Variants in NBAS observed in about 807,000 individuals in gnomAD.
NBAS encodes the protein NAG/BC035112 fusion.
NBAS carries 219 observed loss-of-function variants against 302.5 expected under a neutral mutation model. The observed-to-expected ratio is 0.72, with a 90% CI of 0.65 to 0.81. The LOEUF (loss-of-function observed/expected upper bound fraction) is 0.81. Ranked by LOEUF, NBAS falls within the 30% of genes least tolerant of loss-of-function variation. The pLI, the probability that NBAS is intolerant of heterozygous loss-of-function variation, is 0.00. For synonymous variants in NBAS, 1,118 were observed against 1,021.6 expected, an observed-to-expected ratio of 1.09 and a Z score of -1.80; for missense variants, 2,932 against 2,841.6, an observed-to-expected ratio of 1.03 and a Z score of -0.72.
the NBAS span, among the ~76,000 whole-genome samples, chr2:14,923,159 CA>C: frequency 1.3e-5 from 2 of 151,580 alleles, no homozygotes; most frequent in African/African-American, 2.4e-5. Context: ...CTCAAAAAAA[CA>C]AAAAAAAGTA....
chr2:15,232,732 T>C (rs1186177510), intron 46 of NBAS, among the ~76,000 whole-genome samples: 2 of 152,210 alleles, frequency 1.3e-5, no homozygotes, highest in African/African-American at 4.8e-5. Context: ...TATACACATG[T>C]TTTCCTATCA....
At chr2:15,347,779 A>C (rs1673163902) in intron 35 of NBAS, among the ~76,000 whole-genome samples, 1 of 152,226 alleles carries the variant, frequency 6.6e-6, no homozygotes, top group Non-Finnish European at 1.5e-5. Flanking sequence ...AAGCATAATG[A>C]CCAACATTAA....
At chr2:14,851,989 A>C in the NBAS span, among the ~76,000 whole-genome samples, 916 of 24,618 alleles carry the variant, frequency 0.037, no homozygotes, top group Non-Finnish European at 0.045. Context: ...GAATGGGCAA[A>C]AACTGGAAGC....
At chr2:14,879,810 A>G in the NBAS span, among the ~76,000 whole-genome samples, 1 of 152,212 alleles carries the variant, frequency 6.6e-6, no homozygotes, top group South Asian at 2.1e-4. Context: ...GAATGGGGAG[A>G]CAGACTTCAT....
chr2:15,532,301 A>G (rs1352794254), intron 9 of NBAS, among the ~76,000 whole-genome samples: 1 of 151,962 alleles, frequency 6.6e-6, no homozygotes, highest in African/African-American at 2.4e-5. Flanking sequence ...CATCCTGGCT[A>G]ACATGGTGAA....
chr2:15,152,481 A>G, the NBAS span, among the ~76,000 whole-genome samples: 1 of 152,242 alleles, frequency 6.6e-6, no homozygotes, highest in Admixed American at 6.5e-5. Context: ...TCTTGTAACA[A>G]GTAGCTGAGT....
the NBAS span, among the ~76,000 whole-genome samples, chr2:14,931,720 A>T: frequency 6.6e-6 from 1 of 152,178 alleles, no homozygotes; most frequent in Non-Finnish European, 1.5e-5. Flanking sequence ...TTGGCCACAC[A>T]TTCTGTTGTG....
At chr2:14,926,699 C>T in the NBAS span, among the ~76,000 whole-genome samples, 1 of 152,116 alleles carries the variant, frequency 6.6e-6, no homozygotes, top group African/African-American at 2.4e-5. Context: ...CAACCATCAC[C>T]ACTGTCCATC....
chr2:15,207,524 C>T (rs995311982), intron 48 of NBAS, among the ~76,000 whole-genome samples: 2 of 152,096 alleles, frequency 1.3e-5, no homozygotes, highest in African/African-American at 4.8e-5. Context: ...TTGGGAGAGG[C>T]TGGGATGGAA....
At chr2:15,108,332 A>G in the NBAS span, among the ~76,000 whole-genome samples, 1 of 152,094 alleles carries the variant, frequency 6.6e-6, no homozygotes, top group Non-Finnish European at 1.5e-5. Flanking sequence ...TTTTGAGTAC[A>G]TTGCAGCTCA....
chr2:15,012,735 T>G, the NBAS span, among the ~76,000 whole-genome samples: 1 of 152,048 alleles, frequency 6.6e-6, no homozygotes, highest in Non-Finnish European at 1.5e-5. Flanking sequence ...CAGAAGATAA[T>G]GGAATGATAT....
chr2:14,816,940 C>G, the NBAS span, among the ~76,000 whole-genome samples: 1 of 152,164 alleles, frequency 6.6e-6, no homozygotes, highest in African/African-American at 2.4e-5. Context: ...TCTTCCCACG[C>G]CTGAATGAAG....
chr2:15,095,314 G>C, the NBAS span, among the ~76,000 whole-genome samples: 1 of 152,164 alleles, frequency 6.6e-6, no homozygotes, highest in Non-Finnish European at 1.5e-5. Context: ...ACAGTTCCAC[G>C]TGCCTGGGGA....
intron 6 of NBAS, among the ~76,000 whole-genome samples, chr2:15,547,873 G>A (rs1664188364): frequency 6.6e-6 from 1 of 152,194 alleles, no homozygotes; most frequent in Non-Finnish European, 1.5e-5. Flanking sequence ...AAAAGGGCTA[G>A]AGCCCCAAGC....
At chr2:14,893,763 T>C in the NBAS span, among the ~76,000 whole-genome samples, 1 of 152,204 alleles carries the variant, frequency 6.6e-6, no homozygotes, top group Non-Finnish European at 1.5e-5. Context: ...GTTTTTGCAG[T>C]GTTAATTGCT....
the NBAS span, among the ~76,000 whole-genome samples, chr2:14,948,520 T>C: frequency 6.6e-6 from 1 of 151,832 alleles, no homozygotes; most frequent in African/African-American, 2.4e-5. Context: ...TAATATAAAA[T>C]ACCTAGGAAT....
chr2:15,020,013 A>G, the NBAS span, among the ~76,000 whole-genome samples: 1 of 152,174 alleles, frequency 6.6e-6, no homozygotes, highest in Admixed American at 6.5e-5. Context: ...TCCCCATTTT[A>G]CAAATAAGAA....
chr2:15,357,913 G>C (rs996904035), intron 32 of NBAS, among the ~76,000 whole-genome samples: 2 of 152,102 alleles, frequency 1.3e-5, no homozygotes, highest in Non-Finnish European at 2.9e-5. Flanking sequence ...TGGGGCTTTA[G>C]TCATACCAAG....
chr2:15,294,292 A>G (rs980281678), intron 40 of NBAS, among the ~76,000 whole-genome samples: 4 of 152,334 alleles, frequency 2.6e-5, no homozygotes, highest in Admixed American at 2.0e-4. Context: ...GCAGCAAAAA[A>G]CAGGGAGACA....
Sources: allele counts gnomAD v4.1 joint callset (sites outside exome capture counted in the v4.1 genomes callset), GRCh38; gene constraint gnomAD v4.1.1; transcripts MANE v1.5; gene names NCBI Gene and HGNC (gene_info 2026-07-23, HGNC 2026-07-21).